The following MTUS2 variants were observed in gnomAD, a reference collection of about 807,000 sequenced individuals.
The protein encoded by MTUS2 is microtubule associated scaffold protein 2, also known as microtubule-associated tumor suppressor candidate 2.
MTUS2 carries 40 observed loss-of-function variants against 114.1 expected under a neutral mutation model. That is an observed-to-expected ratio of 0.35 (90% CI 0.27 to 0.46). MTUS2 has a LOEUF of 0.46. MTUS2 is among the 20% of genes least tolerant of loss of function. The probability of loss-of-function intolerance (pLI) is 1.00; values close to 1 mark genes in which losing one functional copy is unlikely to be tolerated. For synonymous variants in MTUS2, 688 were observed against 672.0 expected, an observed-to-expected ratio of 1.02 and a Z score of -0.37; for missense variants, 1,679 against 1,705.4, an observed-to-expected ratio of 0.98 and a Z score of 0.27.
intron 10 of MTUS2, among the ~76,000 whole-genome samples, chr13:29,483,187 G>T (rs1881329787): frequency 6.6e-6 from 1 of 152,228 alleles, no homozygotes; most frequent in Admixed American, 6.5e-5. Context: ...CACTGGCCTG[G>T]CATCTCCTCA....
At chr13:29,065,030 A>T (rs1888602055) in intron 4 of MTUS2, among the ~76,000 whole-genome samples, 1 of 152,182 alleles carries the variant, frequency 6.6e-6, no homozygotes, top group Non-Finnish European at 1.5e-5. Context: ...TCTTCCACTG[A>T]TGGGCATTTA....
intron 4 of MTUS2, among the ~76,000 whole-genome samples, chr13:29,057,536 C>G (rs948152200): frequency 6.6e-6 from 1 of 152,070 alleles, no homozygotes; most frequent in African/African-American, 2.4e-5. Flanking sequence ...ACTGAATCCT[C>G]TGCCATTATG....
chr13:29,072,319 G>A (rs565477183), intron 4 of MTUS2: 32 of 152,166 alleles, frequency 2.1e-4, no homozygotes, highest in Non-Finnish European at 4.6e-4. Context: ...TTTGATTAGA[G>A]AGGATAAAAA....
rs151282422 is a variant in MTUS2, at chr13:29,297,652, T to C, written c.2806+15787T>C. Among the ~76,000 whole-genome samples the C allele has an allele frequency of 1.0e-3, 155 of 152,332 alleles. 1 individual carries two copies. The highest frequency in any genetic ancestry group is 1.9e-3 in the Non-Finnish European group (132 of 68,028). On this transcript the variant is annotated intron_variant, in intron 6 of 15. Transcript: ENST00000612955. ...TTCTTGCTAGTTACCTTACATATAG[T>C]TTCCCAACTCCCCTACAGTAATTCT...
intron 4 of MTUS2, among the ~76,000 whole-genome samples, chr13:29,060,485 C>T (rs942325144): frequency 1.5e-4 from 22 of 151,166 alleles, no homozygotes; most frequent in Admixed American, 1.2e-3. Context: ...CACCCCTCTC[C>T]GCTGTCTGTG....
At chr13:28,972,443 G>C (rs1883899574) in intron 2 of MTUS2, among the ~76,000 whole-genome samples, 1 of 152,180 alleles carries the variant, frequency 6.6e-6, no homozygotes, top group African/African-American at 2.4e-5. Flanking sequence ...TCAGCACCAG[G>C]CAGCATTCTC....
intron 4 of MTUS2, among the ~76,000 whole-genome samples, chr13:29,078,996 G>C (rs981318895): frequency 6.6e-6 from 1 of 152,170 alleles, no homozygotes; most frequent in East Asian, 1.9e-4. Context: ...AAACTGCCAG[G>C]CTGTTTTCCA....
intron 3 of MTUS2, 75 bp from the exon 4 acceptor site, chr13:29,033,810 C>A: frequency 6.4e-7 from 1 of 1,563,316 alleles, no homozygotes; most frequent in Non-Finnish European, 8.7e-7. Flanking sequence ...GGTTCAGCCT[C>A]GGTCTCGTGG....
chr13:29,426,286 T>C (rs1032855739), intron 8 of MTUS2, among the ~76,000 whole-genome samples: 1 of 152,256 alleles, frequency 6.6e-6, no homozygotes, highest in African/African-American at 2.4e-5. Flanking sequence ...GATCCTCAAC[T>C]TACAACAGGG....
chr13:29,118,454 A>C (rs1039923857), intron 5 of MTUS2, among the ~76,000 whole-genome samples: 1 of 152,142 alleles, frequency 6.6e-6, no homozygotes, highest in Non-Finnish European at 1.5e-5. Flanking sequence ...GGAGGCATCC[A>C]TGTGTAGCTT....
At chr13:29,071,305 C>T (rs956115213) in intron 4 of MTUS2, among the ~76,000 whole-genome samples, 5 of 149,310 alleles carry the variant, frequency 3.3e-5, no homozygotes, top group African/African-American at 1.2e-4. Context: ...CAGCATCTTG[C>T]TTGTTTTTAT....
intron 8 of MTUS2, among the ~76,000 whole-genome samples, chr13:29,390,082 C>G (rs558988620): frequency 7.8e-6 from 1 of 128,646 alleles, no homozygotes; most frequent in East Asian, 2.5e-4. Flanking sequence ...TATACACATA[C>G]GTATATGTAC....
intron 5 of MTUS2, among the ~76,000 whole-genome samples, chr13:29,176,935 T>C (rs948533891): frequency 6.6e-6 from 1 of 151,072 alleles, no homozygotes; most frequent in African/African-American, 2.5e-5. Flanking sequence ...GCATGGTGGC[T>C]CTTTACTGTC....
chr13:29,063,284 T>A (rs1255461179), intron 4 of MTUS2, among the ~76,000 whole-genome samples: 3 of 152,206 alleles, frequency 2.0e-5, no homozygotes, highest in Non-Finnish European at 4.4e-5. Context: ...AATGTCAGGA[T>A]GTAATTTGTG....
At chr13:28,869,607 T>C (rs1254649829) in intron 2 of MTUS2, among the ~76,000 whole-genome samples, 1 of 152,014 alleles carries the variant, frequency 6.6e-6, no homozygotes, top group Non-Finnish European at 1.5e-5. Flanking sequence ...CCATCTCTAC[T>C]AAAAATACAA....
At chr13:28,961,536 G>T (rs1227732615) in intron 2 of MTUS2, among the ~76,000 whole-genome samples, 2 of 151,960 alleles carry the variant, frequency 1.3e-5, no homozygotes, top group Non-Finnish European at 2.9e-5. Flanking sequence ...CCCACCATTT[G>T]GCTACAGCTT....
intron 8 of MTUS2, among the ~76,000 whole-genome samples, chr13:29,370,204 G>T (rs1017196796): frequency 1.3e-5 from 2 of 151,910 alleles, no homozygotes; most frequent in Non-Finnish European, 2.9e-5. Flanking sequence ...AGAGAAAATG[G>T]TTTTTTAAAA....
At chr13:29,494,730 C>G (rs186386116) in intron 12 of MTUS2, among the ~76,000 whole-genome samples, 19 of 152,182 alleles carry the variant, frequency 1.2e-4, no homozygotes, top group Non-Finnish European at 1.8e-4. Context: ...GTGGGAACTT[C>G]TATTTCTTAA....
At chr13:29,192,312 A>G (rs73447253) in intron 5 of MTUS2, among the ~76,000 whole-genome samples, 3,684 of 152,286 alleles carry the variant, frequency 0.024, 150 homozygotes, top group African/African-American at 0.084. Context: ...TTGTTCACCA[A>G]ATGTTCTCAA....
Sources: allele counts gnomAD v4.1 joint callset (sites outside exome capture counted in the v4.1 genomes callset), GRCh38; gene constraint gnomAD v4.1.1; transcripts MANE v1.5; gene names NCBI Gene and HGNC (gene_info 2026-07-23, HGNC 2026-07-21).